SDAD1: variants seen among roughly 807,000 people sequenced by gnomAD.
The protein encoded by SDAD1 is protein SDA1 homolog.
A neutral mutation model predicts 100.3 loss-of-function variants in SDAD1; 79 were observed. The ratio of observed to expected loss-of-function variants is 0.79; its 90% CI spans 0.66 to 0.95. The LOEUF is 0.95. Among genes scored for constraint, SDAD1 ranks in the 40% least tolerant of loss-of-function variants. The pLI, the probability that SDAD1 is intolerant of heterozygous loss-of-function variation, is 0.00. For synonymous variants in SDAD1, 267 were observed against 271.4 expected (o/e 0.98, Z 0.16); for missense variants, 790 against 810.9 (o/e 0.97, Z 0.31).
chr4:75,957,824 T>C (rs1728990876), intron 18 of SDAD1, 23 bp downstream of exon 18: 1 of 1,613,526 alleles, frequency 6.2e-7, no homozygotes. Context: ...CACCAGGTTA[T>C]AAGATGAAAT....
chr4:75,974,021 T>C (rs1730013344), intron 7 of SDAD1, 55 bp downstream of exon 7: 6 of 1,463,078 alleles, frequency 4.1e-6, no homozygotes, highest in Non-Finnish European at 5.8e-6. Flanking sequence ...TCTAACTGCA[T>C]GCAGAAGCAG....
Position 75,975,816 on chromosome 4 carries a change from A to T in SDAD1, c.506T>A (p.Leu169Ter), listed in dbSNP as rs1730126898. Residue 169 changes from leucine (L) to a stop codon, truncating the protein, a stop_gained, in exon 6 of 22, where the codon TTA (leucine) becomes TAA (stop). Transcript: ENST00000356260. LOFTEE classifies it high-confidence loss of function. Reference protein sequence around the residue: ...VVLQNFMYTMLRDSNATAAKM... With the variant: ...VVLQNFMYTM ...GGCTGCGGTTGCATTGCTATCTCTT[A>T]ACATGGTGTACATGAAATTTTGCAA... 6.2e-7 allele frequency: 1 copy of T among 1,613,900 alleles called. No individual in the cohort carries two copies. Among genetic ancestry groups the T allele is most frequent in the Non-Finnish European group, 8.5e-7 (1 of 1,179,930 alleles).
At chr4:75,973,015 C>A (rs140409315) in intron 8 of SDAD1, among the ~76,000 whole-genome samples, 2 of 150,928 alleles carry the variant, frequency 1.3e-5, no homozygotes, top group Non-Finnish European at 1.5e-5. Context: ...AGCGAGACTC[C>A]GTCTTAAAAA....
At chr4:75,964,570 C>T (rs1729430466) in intron 13 of SDAD1, among the ~76,000 whole-genome samples, 2 of 151,206 alleles carry the variant, frequency 1.3e-5, no homozygotes, top group East Asian at 3.9e-4. Context: ...CTGTGTAGAT[C>T]CCCTTAAGAG....
chr4:75,954,885 C>T (rs944293728), intron 21 of SDAD1, among the ~76,000 whole-genome samples: 8 of 152,110 alleles, frequency 5.3e-5, no homozygotes, highest in Non-Finnish European at 1.5e-5. Flanking sequence ...GGGCGCCTGT[C>T]CATATGGATA....
At chr4:75,985,214 C>T (rs1730820976) in intron 1 of SDAD1, among the ~76,000 whole-genome samples, 1 of 152,096 alleles carries the variant, frequency 6.6e-6, no homozygotes, top group Non-Finnish European at 1.5e-5. Flanking sequence ...CCCAGTATTC[C>T]CTGGCCATCC....
At chr4:75,989,264 T>C (rs1392743421) in intron 1 of SDAD1, among the ~76,000 whole-genome samples, 1 of 152,184 alleles carries the variant, frequency 6.6e-6, no homozygotes, top group Admixed American at 6.5e-5. Context: ...GTACCTAAAA[T>C]GATGTTTACC....
Position 75,961,104 on chromosome 4 carries a change from T to C in SDAD1, c.1280A>G (p.Asn427Ser). Residue 427 changes from asparagine to serine, a missense_variant and splice_region_variant, in exon 16 of 22, where the codon AAT becomes AGT. Transcript: ENST00000356260. The stretch of plus-strand genomic sequence containing the variant: ...CAAAGTTCTAGCAGACATCATTACA[T>C]CTGTAAAATAATACTTTTAATTAGA... ...LAQYKTHKDK[N>S]VMMSARTLIH... 6.2e-7 allele frequency: 1 copy of C among 1,613,780 alleles called. No homozygotes were observed. Among genetic ancestry groups the C allele is most frequent in the South Asian group, 1.1e-5 (1 of 91,072 alleles).
chr4:75,981,369 T>A lies in SDAD1; in HGVS notation c.294+3A>T. On this transcript the variant is annotated splice_donor_region_variant and intron_variant, in intron 3 of 21. Transcript: ENST00000356260. ...AATTTATTCATCCAACTACTGGTCC[T>A]ACCATTCGCAGATCTGGATCCAATA... 1 of 1,613,644 alleles carries A rather than the reference T, an allele frequency of 6.2e-7. No homozygotes were observed. The highest frequency in any genetic ancestry group is 8.5e-7 in the Non-Finnish European group (1 of 1,179,604).
In SDAD1 at chr4:75,973,507, G is replaced by A. The variant is rs566518517; in HGVS notation, c.637-116C>T. 8 of 694,792 alleles carry A rather than the reference G, an allele frequency of 1.2e-5. No individual in the cohort carries two copies. In the African/African-American group the frequency reaches 1.2e-4, roughly 11 times the overall value. The allele number at this position is 694,792 out of a possible 1,614,324, so 43.0% of individuals were successfully genotyped here. A position where few individuals can be genotyped will look rare whatever the true frequency, so the allele number is the denominator to read the frequency against. ...CTAAGATCTGAAGAACAAATTCAAA[G>A]AGTGGTGGGATTTTTGTTCATTTTT... On this transcript the variant is annotated intron_variant, in intron 7 of 21. Coordinates refer to ENST00000356260, the MANE Select transcript of SDAD1 (RefSeq NM_018115.4).
chr4:75,974,349 A>T, intron 6 of SDAD1, among the ~76,000 whole-genome samples: 1 of 151,506 alleles, frequency 6.6e-6, no homozygotes, highest in East Asian at 1.9e-4. Context: ...ATTTGCAGCC[A>T]TTAAGACAGA....
In SDAD1 at chr4:75,980,467, T is replaced by A. The variant is rs536364121; in HGVS notation, c.294+905A>T. On this transcript the variant is annotated intron_variant, in intron 3 of 21. Transcript: ENST00000356260. Reference sequence around the variant, plus strand: ...TGATCATATTTGCGTACTTATCTGCTGTAAAGAGGTTTGAAAAGCAGATGT... The same window carrying A: ...TGATCATATTTGCGTACTTATCTGCAGTAAAGAGGTTTGAAAAGCAGATGT... Among the ~76,000 whole-genome samples the A allele has an allele frequency of 2.0e-5, 3 of 152,366 alleles. No homozygotes were observed. In the South Asian group the frequency reaches 6.2e-4, roughly 32 times the overall value.
chr4:75,975,629 T>C (rs1730111811), intron 6 of SDAD1, 115 bp downstream of exon 6: 8 of 637,384 alleles, frequency 1.3e-5, no homozygotes, highest in East Asian at 2.6e-5. Flanking sequence ...CTTAAATCTA[T>C]GACATAAGTA....
At chr4:75,973,468 T>C in intron 7 of SDAD1, 77 bp from the exon 8 acceptor site, 2 of 983,046 alleles carry the variant, frequency 2.0e-6, no homozygotes, top group South Asian at 1.3e-5. Flanking sequence ...GTATGCTTTA[T>C]ACATGTGCAT....
intron 1 of SDAD1, among the ~76,000 whole-genome samples, chr4:75,983,056 T>C (rs1286762074): frequency 6.6e-6 from 1 of 151,862 alleles, no homozygotes; most frequent in Admixed American, 6.6e-5. Context: ...TGGTTTTCTG[T>C]CCTTGTGATA....
At chr4:75,958,911 A>C (rs906074701) in intron 17 of SDAD1, among the ~76,000 whole-genome samples, 1 of 151,320 alleles carries the variant, frequency 6.6e-6, no homozygotes, top group African/African-American at 2.4e-5. Flanking sequence ...TCCTAGCTAA[A>C]ACGGTGAAAC....
chr4:75,955,869 C>T (rs1275876580), intron 21 of SDAD1, 106 bp downstream of exon 21: 3 of 1,285,798 alleles, frequency 2.3e-6, no homozygotes, highest in African/African-American at 1.5e-5. Flanking sequence ...TCCCAAGACA[C>T]ACACAATAAT....
chr4:75,990,903 G>T lies in SDAD1; in HGVS notation c.-62C>A, dbSNP rs767385815. On this transcript the variant is annotated 5_prime_UTR_variant, in exon 1 of 22. Transcript: ENST00000356260. ...AAAAAACTCAGACGGCCGGCACCCCGCAATCCCTGCCAGCTGCAGCTTGGA... is the reference window on the plus strand; with the variant it reads ...AAAAAACTCAGACGGCCGGCACCCCTCAATCCCTGCCAGCTGCAGCTTGGA... 6.9e-6 allele frequency: 11 copies of T among 1,594,610 alleles called. No homozygotes were observed. The highest frequency in any genetic ancestry group is 7.7e-6 in the Non-Finnish European group (9 of 1,164,712).
chr4:75,961,672 A>G (rs1307126777), intron 14 of SDAD1, among the ~76,000 whole-genome samples: 5 of 152,254 alleles, frequency 3.3e-5, no homozygotes, highest in South Asian at 4.1e-4. Context: ...GCTGTTCAGC[A>G]TATCACTTAC....
Sources: gnomAD v4.1 joint callset for allele counts (sites outside exome capture counted in the v4.1 genomes callset) on GRCh38, gnomAD v4.1.1 for gene constraint, MANE v1.5 for transcripts, NCBI Gene and HGNC (gene_info 2026-07-23, HGNC 2026-07-21) for gene names.